Variants in HRH2 observed in about 807,000 individuals in gnomAD.
The protein encoded by HRH2 is histamine receptor H2.
Under a neutral mutation model 20.1 loss-of-function variants are expected in HRH2, and 4 were observed. That is an observed-to-expected ratio of 0.20 (90% confidence interval 0.10 to 0.45). HRH2 has a LOEUF of 0.45. HRH2 is among the 20% of genes least tolerant of loss of function. The pLI is 0.99. For missense variants in HRH2, 250 were observed against 461.6 expected (o/e 0.54, Z 4.20); for synonymous variants, 197 against 200.7 (o/e 0.98, Z 0.16).
intron 2 of HRH2, among the ~76,000 whole-genome samples, chr5:175,697,220 T>G (rs1756622892): frequency 6.6e-6 from 1 of 151,972 alleles, no homozygotes; most frequent in Non-Finnish European, 1.5e-5. Context: ...TCCCAGCACT[T>G]TGGCAGGCCG....
intron 2 of HRH2, chr5:175,685,593 G>A: frequency 1.1e-6 from 1 of 898,066 alleles, no homozygotes; most frequent in Non-Finnish European, 1.8e-6. Flanking sequence ...AAAATCAATG[G>A]CACAGCCCTG....
chr5:175,701,354 T>C (rs1756782261), intron 2 of HRH2, among the ~76,000 whole-genome samples: 1 of 152,152 alleles, frequency 6.6e-6, no homozygotes, highest in African/African-American at 2.4e-5. Flanking sequence ...AGGATGGGGT[T>C]TGGGAGATAG....
At position 175,708,325 on chromosome 5, in the gene HRH2, C is replaced by T; in HGVS notation, c.*354C>T. 1 of 191,134 alleles carries T rather than the reference C, an allele frequency of 5.2e-6. No homozygotes were observed. The highest frequency in any genetic ancestry group is 1.1e-5 in the Non-Finnish European group (1 of 94,262). The allele number at this position is 191,134 out of a possible 1,614,324, so 11.8% of individuals were successfully genotyped here. ...GCATACGTGTAGGGACGTGCATGAC[C>T]TCTGAGCAAGGCAGAGGGTATTGAA... is the stretch of plus-strand genomic sequence containing the variant. On this transcript the variant is annotated 3_prime_UTR_variant, in exon 3 of 3. Transcript: ENST00000636584.
At chr5:175,667,888 C>G (rs1284642618) in intron 1 of HRH2, among the ~76,000 whole-genome samples, 4 of 152,164 alleles carry the variant, frequency 2.6e-5, no homozygotes, top group Non-Finnish European at 5.9e-5. Context: ...GGGCCACCTA[C>G]TTGGATTTTC....
chr5:175,664,406 A>G (rs1304605770), intron 1 of HRH2, among the ~76,000 whole-genome samples: 2 of 152,184 alleles, frequency 1.3e-5, no homozygotes, highest in Non-Finnish European at 2.9e-5. Context: ...GAAAGCAGAC[A>G]GGTGCATGGG....
intron 1 of HRH2, among the ~76,000 whole-genome samples, chr5:175,667,561 GCATA>G (rs1427568138): frequency 5.3e-5 from 8 of 150,824 alleles, no homozygotes. Flanking sequence ...GTCCTACCAG[GCATA>G]CATTTGGTTT....
At chr5:175,689,421 T>C (rs1227968868) in intron 2 of HRH2, among the ~76,000 whole-genome samples, 2 of 152,200 alleles carry the variant, frequency 1.3e-5, no homozygotes, top group East Asian at 3.9e-4. Context: ...TGTTCACTAC[T>C]GGACCCTAAC....
rs74597319 is a variant in HRH2, at chr5:175,708,190, C to T, written c.*219C>T. The T allele has an allele frequency of 0.03, 11,259 of 376,464 alleles. 896 individuals are homozygous for T. Among genetic ancestry groups the T allele is most frequent in the African/African-American group, 0.18 (8,895 of 48,242 alleles). 23.3% of individuals were successfully genotyped at this position (376,464 alleles called of 1,614,324 possible). A position where few individuals can be genotyped will look rare whatever the true frequency, so the allele number is the denominator to read the frequency against. On this transcript the variant is annotated 3_prime_UTR_variant, in exon 3 of 3. Transcript: ENST00000636584. ...CAGGCACGCAAGACTCCTCTGGGCC[C>T]GAGTGGGCTGAATCCCATGGGTTCA...
chr5:175,702,399 G>A (rs1027403679), intron 2 of HRH2, among the ~76,000 whole-genome samples: 1 of 151,912 alleles, frequency 6.6e-6, no homozygotes, highest in Non-Finnish European at 1.5e-5. Context: ...GTCAGGCTTG[G>A]TTTTTTAAAT....
chr5:175,701,122 C>T (rs560544443), intron 2 of HRH2, among the ~76,000 whole-genome samples: 4 of 152,236 alleles, frequency 2.6e-5, no homozygotes, highest in Admixed American at 2.0e-4. Flanking sequence ...CCTGTGAGGT[C>T]GTTATTATTA....
At chr5:175,679,204 A>G (rs1418207217) in intron 1 of HRH2, among the ~76,000 whole-genome samples, 1 of 152,164 alleles carries the variant, frequency 6.6e-6, no homozygotes, top group Non-Finnish European at 1.5e-5. Context: ...TCCCGGGGAG[A>G]CACATTCTCA....
chr5:175,680,474 CT>C (rs1456194438), intron 1 of HRH2, among the ~76,000 whole-genome samples: 1 of 152,196 alleles, frequency 6.6e-6, no homozygotes, highest in African/African-American at 2.4e-5. Context: ...ATTTTTGGCC[CT>C]TTCTGTACAC....
chr5:175,664,363 T>A (rs556111042), intron 1 of HRH2, among the ~76,000 whole-genome samples: 12 of 152,228 alleles, frequency 7.9e-5, no homozygotes, highest in Non-Finnish European at 1.5e-4. Flanking sequence ...GATACAGCAA[T>A]GGATACACCT....
chr5:175,695,799 G>A (rs1344738512), intron 2 of HRH2, among the ~76,000 whole-genome samples: 31 of 152,236 alleles, frequency 2.0e-4, no homozygotes, highest in Non-Finnish European at 1.0e-4. Context: ...GATGGGCCAG[G>A]GAACAGGGAA....
intron 2 of HRH2, among the ~76,000 whole-genome samples, chr5:175,706,364 T>A (rs1756941302): frequency 6.6e-6 from 1 of 152,200 alleles, no homozygotes; most frequent in Non-Finnish European, 1.5e-5. Flanking sequence ...AGAATTGAGA[T>A]GTTTATTTTC....
rs2113514729 is a variant in HRH2, at chr5:175,681,489, A to G, written c.-525-1220A>G. Among the ~76,000 whole-genome samples the G allele has an allele frequency of 6.6e-6, 1 of 152,318 alleles. No homozygotes were observed. Among genetic ancestry groups the G allele is most frequent in the South Asian group, 2.1e-4 (1 of 4,826 alleles). On this transcript the variant is annotated intron_variant, in intron 1 of 2. Transcript: ENST00000636584. The surrounding 1 kb of genome is among the most constrained non-coding windows in gnomAD (Gnocchi z 4.3). Reference sequence around the variant, plus strand: ...GAGATTGCCTGCTCTCTGAAAAACCAGGAGGAGCTGGTAGGGAAGGACTGG... The same window carrying G: ...GAGATTGCCTGCTCTCTGAAAAACCGGGAGGAGCTGGTAGGGAAGGACTGG...
intron 2 of HRH2, among the ~76,000 whole-genome samples, chr5:175,698,240 C>T (rs1294186540): frequency 6.6e-6 from 1 of 152,262 alleles, no homozygotes; most frequent in Non-Finnish European, 1.5e-5. Flanking sequence ...TGGAGACCAG[C>T]AGCCCTGCCC....
rs1440243072 is a variant in HRH2, at chr5:175,682,936, GA to G, written c.-297del. The G allele has an allele frequency of 5.6e-6, 2 of 358,592 alleles. No individual in the cohort carries two copies. 22.2% of individuals were successfully genotyped at this position (358,592 alleles called of 1,614,324 possible). Reference sequence around the variant, plus strand: ...AAGCTAGCTCTTCAGGGGACCGTCTGAGGACTGGAGTTTGATCCATGAACCT... The same window carrying G: ...AAGCTAGCTCTTCAGGGGACCGTCTGGGACTGGAGTTTGATCCATGAACCT... On this transcript the variant is annotated 5_prime_UTR_variant, in exon 2 of 3. An upstream open reading frame in the 5' UTR loses its in-frame stop. Transcript: ENST00000636584.
intron 2 of HRH2, chr5:175,685,841 T>C (rs1223863803): frequency 3.9e-6 from 1 of 258,228 alleles, no homozygotes; most frequent in Non-Finnish European, 7.4e-6. Flanking sequence ...TGCGTGGATA[T>C]TGCAGACCCA....
Sources: gnomAD v4.1 joint callset for allele counts (sites outside exome capture counted in the v4.1 genomes callset) on GRCh38, gnomAD v4.1.1 for gene constraint, Gnocchi (gnomAD v3.1) non-coding constraint, MANE v1.5 for transcripts, NCBI Gene and HGNC (gene_info 2026-07-23, HGNC 2026-07-21) for gene names.